Variants in SNTG2 observed in about 807,000 individuals in gnomAD.
The protein encoded by SNTG2 is gamma-2-syntrophin.
In SNTG2, 74 loss-of-function variants were observed where a neutral mutation model predicts 70.9. The observed-to-expected ratio is 1.04, with a 90% CI of 0.86 to 1.27. The LOEUF is 1.27. SNTG2 is among the 50% of genes most tolerant of loss of function. The probability of loss-of-function intolerance (pLI) is 0.00; values close to 1 mark genes in which losing one functional copy is unlikely to be tolerated. For synonymous variants in SNTG2, 278 were observed against 273.8 expected (o/e 1.02, Z -0.15); for missense variants, 717 against 690.7 (o/e 1.04, Z -0.43).
At chr2:1,167,903 G>A (rs1247591027) in intron 7 of SNTG2, among the ~76,000 whole-genome samples, 2 of 125,722 alleles carry the variant, frequency 1.6e-5, no homozygotes, top group East Asian at 2.4e-4. Flanking sequence ...GCCCACAGAC[G>A]GCAGAACTGA....
chr2:1,162,787 G>C (rs941870683), intron 6 of SNTG2, among the ~76,000 whole-genome samples: 12 of 151,984 alleles, frequency 7.9e-5, no homozygotes, highest in Non-Finnish European at 1.5e-4. Context: ...TGCGGGGGGA[G>C]GATAGAATCA....
intron 14 of SNTG2, among the ~76,000 whole-genome samples, chr2:1,296,159 C>T (rs1364819892): frequency 1.3e-5 from 2 of 152,208 alleles, no homozygotes; most frequent in African/African-American, 2.4e-5. Flanking sequence ...CAGTTGCTTC[C>T]ACTTGGTAAG....
chr2:1,317,932 T>G (rs1307607242), intron 16 of SNTG2, among the ~76,000 whole-genome samples: 1 of 152,258 alleles, frequency 6.6e-6, no homozygotes, highest in African/African-American at 2.4e-5. Context: ...TTAGTAAATA[T>G]TAGCAGGAAA....
intron 4 of SNTG2, among the ~76,000 whole-genome samples, chr2:1,124,289 A>G (rs922356552): frequency 7.1e-6 from 1 of 141,514 alleles, no homozygotes; most frequent in Non-Finnish European, 1.5e-5. Flanking sequence ...GTGGAATATT[A>G]CTCAGTCTTT....
chr2:1,147,737 G>A (rs1669191972), intron 6 of SNTG2, among the ~76,000 whole-genome samples: 3 of 152,226 alleles, frequency 2.0e-5, no homozygotes. Flanking sequence ...CACAGGGAAG[G>A]AAATCTTTGA....
chr2:1,211,121 C>T (rs1211776885), intron 9 of SNTG2, among the ~76,000 whole-genome samples: 1 of 152,110 alleles, frequency 6.6e-6, no homozygotes, highest in Non-Finnish European at 1.5e-5. Context: ...TAAAATATAG[C>T]AGAATGTTTT....
chr2:1,332,482 A>G (rs542834724), intron 16 of SNTG2, among the ~76,000 whole-genome samples: 5 of 152,316 alleles, frequency 3.3e-5, no homozygotes, highest in Admixed American at 1.3e-4. Context: ...AAAAAAAGAA[A>G]ACTACAGACA....
At chr2:1,069,920 G>A (rs891744726) in intron 1 of SNTG2, among the ~76,000 whole-genome samples, 2 of 152,044 alleles carry the variant, frequency 1.3e-5, no homozygotes, top group Admixed American at 6.6e-5. Context: ...CAGGAATCCC[G>A]GGAAGCCCAC....
At chr2:1,007,219 A>C (rs1442436591) in intron 1 of SNTG2, among the ~76,000 whole-genome samples, 2 of 152,068 alleles carry the variant, frequency 1.3e-5, no homozygotes, top group East Asian at 3.9e-4. Context: ...CATGACTCTC[A>C]CACACACCCT....
At chr2:983,786 A>T (rs1473184519) in intron 1 of SNTG2, among the ~76,000 whole-genome samples, 4 of 152,354 alleles carry the variant, frequency 2.6e-5, no homozygotes, top group African/African-American at 9.6e-5. Flanking sequence ...AGATCAAGAC[A>T]TACTTCTCAC....
rs561349547 is a variant in SNTG2 at position 1,083,575 on chromosome 2, C to A, written c.130C>A (p.Arg44=). The A allele has an allele frequency of 5.8e-5, 94 of 1,613,592 alleles. No individual in the cohort carries two copies. The highest frequency in any genetic ancestry group is 8.0e-5 in the Non-Finnish European group (94 of 1,179,706). Reference sequence around the variant, plus strand: ...AGAGTCCGAAAATGCCTATGACATCCGGCTGAAGCTGACGAAAGAGGTGCT... The same window carrying A: ...AGAGTCCGAAAATGCCTATGACATCAGGCTGAAGCTGACGAAAGAGGTGCT... ...DEESENAYDI[R]LKLTKEVLTI... The change falls in exon 2 of 17, where the codon CGG becomes AGG. Residue 44 remains arginine (R), a synonymous_variant. Transcript: ENST00000308624.
intron 1 of SNTG2, among the ~76,000 whole-genome samples, chr2:1,005,437 C>A (rs1348990793): frequency 6.6e-6 from 1 of 151,968 alleles, no homozygotes; most frequent in East Asian, 1.9e-4. Context: ...TACGTGAATT[C>A]TCTGTACCGT....
intron 4 of SNTG2, among the ~76,000 whole-genome samples, chr2:1,125,768 T>C (rs1194693496): frequency 6.6e-6 from 1 of 152,168 alleles, no homozygotes; most frequent in East Asian, 1.9e-4. Flanking sequence ...ACACATTAGA[T>C]CAGTTAGTAA....
chr2:993,096 C>CT lies in SNTG2; in HGVS notation c.72+42029dup, dbSNP rs1487231049. On this transcript the variant is annotated intron_variant, in intron 1 of 16. Coordinates refer to ENST00000308624, the MANE Select transcript of SNTG2 (RefSeq NM_018968.4). ...TTTTTTTTTTTTTTTTTATTATACT[C>CT]TAAGTTTTAGGGTACATGTGCACAT... Among the ~76,000 whole-genome samples, 562 of 132,848 alleles carry CT rather than the reference C, an allele frequency of 4.2e-3. 4 individuals carry two copies. The highest frequency in any genetic ancestry group is 0.016 in the African/African-American group (534 of 34,372). 87.2% of individuals were successfully genotyped at this position (132,848 alleles called of 152,430 possible). A position where few individuals can be genotyped will look rare whatever the true frequency, so the allele number is the denominator to read the frequency against.
At chr2:1,023,628 C>G (rs572203970) in intron 1 of SNTG2, among the ~76,000 whole-genome samples, 1 of 152,268 alleles carries the variant, frequency 6.6e-6, no homozygotes, top group African/African-American at 2.4e-5. Flanking sequence ...CCTTTGTGGG[C>G]CCACTCAGAC....
intron 1 of SNTG2, among the ~76,000 whole-genome samples, chr2:989,721 T>A (rs1374993606): frequency 6.6e-6 from 1 of 152,230 alleles, no homozygotes; most frequent in East Asian, 1.9e-4. Context: ...ATGTTCCCTC[T>A]CCTATTATAT....
chr2:1,074,034 T>A (rs1441486695), intron 1 of SNTG2, among the ~76,000 whole-genome samples: 1 of 152,194 alleles, frequency 6.6e-6, no homozygotes, highest in Non-Finnish European at 1.5e-5. Flanking sequence ...CTCTCAATAT[T>A]GATATGTGGG....
At chr2:1,184,761 G>A (rs1034698223) in intron 8 of SNTG2, among the ~76,000 whole-genome samples, 3 of 152,154 alleles carry the variant, frequency 2.0e-5, no homozygotes, top group Admixed American at 6.5e-5. Context: ...TGACATTGGG[G>A]ATTACAATTC....
intron 4 of SNTG2, among the ~76,000 whole-genome samples, chr2:1,119,858 G>C (rs1462345546): frequency 1.3e-5 from 2 of 152,018 alleles, no homozygotes; most frequent in Non-Finnish European, 2.9e-5. Context: ...AAGAAAATAA[G>C]AGAATGACTG....
Sources: gnomAD v4.1 joint callset for allele counts (sites outside exome capture counted in the v4.1 genomes callset) on GRCh38, gnomAD v4.1.1 for gene constraint, MANE v1.5 for transcripts, NCBI Gene and HGNC (gene_info 2026-07-23, HGNC 2026-07-21) for gene names.